The following SPNS2 variants were observed in gnomAD, a reference collection of about 807,000 sequenced individuals.
SPNS2 encodes the protein SPNS lysolipid transporter 2, sphingosine-1-phosphate.
In SPNS2, 37 loss-of-function variants were observed where a neutral mutation model predicts 57.6. The observed-to-expected ratio is 0.64, with a 90% confidence interval of 0.49 to 0.85. The LOEUF (loss-of-function observed/expected upper bound fraction) is 0.85. SPNS2 is among the 40% of genes least tolerant of loss of function. SPNS2 has a pLI of 0.00. For synonymous variants in SPNS2, 440 were observed against 346.9 expected (o/e 1.27, Z -2.98); for missense variants, 831 against 779.1 (o/e 1.07, Z -0.79).
intron 2 of SPNS2, among the ~76,000 whole-genome samples, chr17:4,516,316 CAAAAAAAAAA>C (rs67710825): frequency 3.0e-5 from 2 of 67,508 alleles, no homozygotes; most frequent in Non-Finnish European, 5.0e-5. Flanking sequence ...TCTATCTCCC[CAAAAAAAAAA>C]AAAAAAAAAA....
Position 4,532,660 on chromosome 17 carries a change from G to C in SPNS2, c.911G>C (p.Arg304Pro). Residue 304 changes from arginine (R) to proline (P), a missense_variant, in exon 6 of 13, where the codon CGA becomes CCA. This residue lies in a region of SPNS2 where 526 missense variants were observed against 400.9 expected (regional missense o/e 1.31). Coordinates refer to ENST00000329078, the MANE Select transcript of SPNS2 (RefSeq NM_001124758.3). Reference sequence around the variant, plus strand: ...CTCAAGGCCCGGACCTCATGGCTCCGAGATATGAAGGCCCTGATTCGAAAG... The same window carrying C: ...CTCAAGGCCCGGACCTCATGGCTCCCAGATATGAAGGCCCTGATTCGAAAG... The part of the protein sequence containing the change: ...DQLKARTSWL[R>P]DMKALIRNRS... 5 of 1,613,982 alleles carry C rather than the reference G, an allele frequency of 3.1e-6. No homozygotes were observed. Among genetic ancestry groups the C allele is most frequent in the Non-Finnish European group, 4.2e-6 (5 of 1,180,006 alleles).
intron 1 of SPNS2, among the ~76,000 whole-genome samples, chr17:4,504,085 T>G (rs538019920): frequency 6.6e-6 from 1 of 151,318 alleles, no homozygotes; most frequent in Non-Finnish European, 1.5e-5. Context: ...GGGTAGGGGC[T>G]AAGCCAGGCC....
Position 4,521,195 on chromosome 17 carries a change from G to C in SPNS2, c.437-3862G>C, listed in dbSNP as rs1414489417. 4.1e-4 allele frequency among the ~76,000 whole-genome samples: 63 copies of C among 152,040 alleles called. 1 individual carries two copies. Among genetic ancestry groups the C allele is most frequent in the Admixed American group, 4.0e-3 (61 of 15,266 alleles). On this transcript the variant is annotated intron_variant, in intron 2 of 12. Transcript: ENST00000329078. ...AACAAGATCTGCCCCTGGCCAGACA[G>C]GGGGAAACTTCTCTTCTGATTCCTT...
intron 12 of SPNS2, among the ~76,000 whole-genome samples, chr17:4,537,197 G>C (rs761256762): frequency 6.6e-6 from 1 of 152,188 alleles, no homozygotes; most frequent in Non-Finnish European, 1.5e-5. Flanking sequence ...GCATAGATCA[G>C]GGCCAGGACT....
chr17:4,532,475 T>C, intron 5 of SPNS2, 67 bp from the exon 6 acceptor site: 1 of 1,610,452 alleles, frequency 6.2e-7, no homozygotes, highest in Non-Finnish European at 8.5e-7. Context: ...CTTGCCTGAG[T>C]CCCTCCTTCT....
intron 8 of SPNS2, 114 bp from the exon 9 acceptor site, chr17:4,533,674 G>A (rs1597370181): frequency 3.2e-6 from 4 of 1,241,416 alleles, no homozygotes; most frequent in South Asian, 1.3e-5. Context: ...GTGGGCCCGG[G>A]AGGGGTGTGA....
intron 2 of SPNS2, among the ~76,000 whole-genome samples, chr17:4,523,938 T>G (rs79156330): frequency 6.6e-6 from 1 of 152,168 alleles, no homozygotes; most frequent in African/African-American, 2.4e-5. Context: ...CTTTTGTTGA[T>G]TGATATATCC....
intron 2 of SPNS2, among the ~76,000 whole-genome samples, chr17:4,514,892 CGCCCTGTGTG>C (rs1904947188): frequency 6.6e-6 from 1 of 152,188 alleles, no homozygotes; most frequent in Non-Finnish European, 1.5e-5. Flanking sequence ...GCCCAACCCC[CGCCCTGTGTG>C]GCCCCTGACT....
intron 1 of SPNS2, among the ~76,000 whole-genome samples, chr17:4,502,273 G>A (rs928147611): frequency 2.6e-5 from 4 of 151,884 alleles, no homozygotes; most frequent in Non-Finnish European, 2.9e-5. Context: ...CCAGCTACTC[G>A]GGAGGCTGAG....
At chr17:4,536,460 G>GCCGGGAAGCAGGGA in intron 11 of SPNS2, 34 bp downstream of exon 11, 1 of 1,576,848 alleles carries the variant, frequency 6.3e-7, no homozygotes, top group Non-Finnish European at 8.6e-7. Flanking sequence ...CTGCTGCACC[G>GCCGGGAAGCAGGGA]CCGGGAAGCA....
intron 2 of SPNS2, among the ~76,000 whole-genome samples, chr17:4,521,859 G>T (rs918834859): frequency 6.6e-6 from 1 of 152,220 alleles, no homozygotes. Flanking sequence ...GTGACACGAC[G>T]TGGGTAGCTT....
chr17:4,502,683 G>A (rs1904554732), intron 1 of SPNS2, among the ~76,000 whole-genome samples: 1 of 152,182 alleles, frequency 6.6e-6, no homozygotes, highest in Non-Finnish European at 1.5e-5. Context: ...AAATGAGACT[G>A]TATCTCGAGC....
intron 4 of SPNS2, 84 bp downstream of exon 4, chr17:4,530,867 C>G: frequency 1.3e-6 from 2 of 1,534,028 alleles, no homozygotes; most frequent in Non-Finnish European, 1.8e-6. Flanking sequence ...CCCTGGGGTT[C>G]TAGCCCAGGC....
At chr17:4,503,446 C>T (rs1161001466) in intron 1 of SPNS2, among the ~76,000 whole-genome samples, 4 of 152,226 alleles carry the variant, frequency 2.6e-5, no homozygotes, top group Non-Finnish European at 4.4e-5. Context: ...GTCCCTCAGA[C>T]GGGGGTCTCA....
In SPNS2 at chr17:4,512,540, G is replaced by T. The variant is rs995893353; in HGVS notation, c.371-707G>T. Among the ~76,000 whole-genome samples the T allele has an allele frequency of 2.0e-5, 3 of 152,104 alleles. No individual in the cohort carries two copies. Among genetic ancestry groups the T allele is most frequent in the Admixed American group, 2.0e-4 (3 of 15,278 alleles). On this transcript the variant is annotated intron_variant, in intron 1 of 12. Coordinates refer to ENST00000329078, the MANE Select transcript of SPNS2 (RefSeq NM_001124758.3). The surrounding 1 kb of genome is among the most constrained non-coding windows in gnomAD (Gnocchi z 5.2). ...AAATCCACTTCTCCCAAGAAAACGGGCCTGGAGCCCCGCCTGCTTCCCTCT... is the reference window on the plus strand; with the variant it reads ...AAATCCACTTCTCCCAAGAAAACGGTCCTGGAGCCCCGCCTGCTTCCCTCT...
intron 1 of SPNS2, among the ~76,000 whole-genome samples, chr17:4,502,034 TTTTA>T (rs778136157): frequency 2.8e-4 from 43 of 152,338 alleles, no homozygotes; most frequent in Admixed American, 1.2e-3. Context: ...TCATAATATA[TTTTA>T]TTTAACTCAA....
chr17:4,516,589 T>C (rs773735149), intron 2 of SPNS2, among the ~76,000 whole-genome samples: 4 of 116,962 alleles, frequency 3.4e-5, no homozygotes, highest in Non-Finnish European at 5.0e-5. Context: ...TGCACCTAGC[T>C]CTGGCCGGTG....
rs201619719 is a variant in SPNS2 at position 4,536,925 on chromosome 17, G to T, written c.1633G>T (p.Ala545Ser). 7 of 1,613,480 alleles carry T rather than the reference G, an allele frequency of 4.3e-6. No homozygotes were observed. The African/African-American group carries it at 6.7e-5, about 15-fold the overall frequency. ...QQVNQLAMPP[A>S]SVKV ...GGTGAACCAGCTGGCGATGCCGCCC[G>T]CATCTGTGAAAGTCTGAGGTGGTGA... Residue 545 changes from alanine (A) to serine (S), a missense_variant, in exon 12 of 13, where the codon GCA (alanine) becomes TCA (serine). Ala to Ser is a moderately conservative substitution (Grantham distance 99, BLOSUM62 1). Around this residue, in one of 2 missense-constraint regions of SPNS2, gnomAD observed 526 missense variants for 400.9 expected, o/e 1.31. Coordinates refer to ENST00000329078, the MANE Select transcript of SPNS2 (RefSeq NM_001124758.3).
rs1181774570 is a variant in SPNS2, at chr17:4,525,095, G to A, written c.475G>A (p.Gly159Ser). 6 of 1,614,150 alleles carry A rather than the reference G, an allele frequency of 3.7e-6. No homozygotes were observed. The highest frequency in any genetic ancestry group is 2.2e-5 in the East Asian group (1 of 44,884). ...CSFMVAAPIF[G>S]YLGDRFNRKV... Reference sequence around the variant, plus strand: ...CTTCATGGTGGCTGCCCCCATCTTCGGCTACCTGGGCGACCGCTTCAACAG... The same window carrying A: ...CTTCATGGTGGCTGCCCCCATCTTCAGCTACCTGGGCGACCGCTTCAACAG... Residue 159 changes from glycine to serine, a missense_variant, in exon 3 of 13, where the codon GGC becomes AGC. Around this residue, in one of 2 missense-constraint regions of SPNS2, gnomAD observed 305 missense variants for 378.3 expected, o/e 0.81. Transcript: ENST00000329078.
Sources: allele counts gnomAD v4.1 joint callset (sites outside exome capture counted in the v4.1 genomes callset), GRCh38; gene constraint gnomAD v4.1.1; regional missense constraint gnomAD v4.1.1; non-coding constraint Gnocchi (gnomAD v3.1); transcripts MANE v1.5; gene names NCBI Gene and HGNC (gene_info 2026-07-23, HGNC 2026-07-21).